DNAH6: variants seen among roughly 807,000 people sequenced by gnomAD.
The protein encoded by DNAH6 is dynein axonemal heavy chain 6, also known as axonemal beta dynein heavy chain 6.
In DNAH6, 340 loss-of-function variants were observed where a neutral mutation model predicts 491.4. The observed-to-expected ratio is 0.69, with a 90% CI of 0.63 to 0.76. The LOEUF (loss-of-function observed/expected upper bound fraction) is 0.76, where lower values mean the gene tolerates loss of function less well. Ranked by LOEUF, DNAH6 falls within the 30% of genes least tolerant of loss-of-function variation. The probability of loss-of-function intolerance (pLI) is 0.00; values close to 1 mark genes in which losing one functional copy is unlikely to be tolerated. For synonymous variants in DNAH6, 1,603 were observed against 1,686.1 expected (o/e 0.95, Z 1.21); for missense variants, 4,443 against 4,972.2 (o/e 0.89, Z 3.20).
rs1679104391 is a variant in DNAH6, at chr2:84,803,352, G to A, written c.11482-2313G>A. On this transcript the variant is annotated intron_variant, in intron 70 of 76. Coordinates refer to ENST00000389394, the MANE Select transcript of DNAH6 (RefSeq NM_001370.2). ...TGAAAAACAACCTGTTAGATACTAT[G>A]TTCACTATTTGGGTGATGAAGTTCA... Among the ~76,000 whole-genome samples, 3 of 152,146 alleles carry A rather than the reference G, an allele frequency of 2.0e-5. No homozygotes were observed. In the South Asian group the frequency reaches 6.2e-4, roughly 32 times the overall value.
rs537789080 is a variant in DNAH6 at position 84,762,811 on chromosome 2, G to A, written c.10569G>A (p.Glu3523=). ...VIENLGKQFI[E]TPPVDLPTLY... ...AAAATCTTGGAAAACAGTTTATAGAGACACCACCTGTGGACCTGCCTACCC... is the reference window on the plus strand; with the variant it reads ...AAAATCTTGGAAAACAGTTTATAGAAACACCACCTGTGGACCTGCCTACCC... Residue 3523 remains glutamate, a synonymous_variant, in exon 64 of 77, where the codon GAG becomes GAA. Transcript: ENST00000389394. 2.1e-5 allele frequency: 32 copies of A among 1,551,170 alleles called. No individual in the cohort carries two copies. In the South Asian group the frequency reaches 2.9e-4, roughly 14 times the overall value.
chr2:84,707,593 G>T lies in DNAH6; in HGVS notation c.8925G>T (p.Gln2975His), dbSNP rs1205614863. 6 of 1,552,008 alleles carry T rather than the reference G, an allele frequency of 3.9e-6. No homozygotes were observed. In the Admixed American group the frequency reaches 1.2e-4, roughly 30 times the overall value. Residue 2975 changes from glutamine to histidine, a missense_variant, in exon 54 of 77, where the codon CAG becomes CAT. Gln to His is a conservative substitution (Grantham distance 24). Coordinates refer to ENST00000389394, the MANE Select transcript of DNAH6 (RefSeq NM_001370.2). ...GKLTAALEDE[Q>H]VRWEESIQKF... ...TGACAGCAGCATTAGAAGATGAGCA[G>T]GTTCGATGGGAAGAAAGCATACAGA...
At chr2:84,632,940 C>G (rs1251897538) in intron 29 of DNAH6, among the ~76,000 whole-genome samples, 1 of 152,168 alleles carries the variant, frequency 6.6e-6, no homozygotes, top group Non-Finnish European at 1.5e-5. Flanking sequence ...TTTCTTGAAT[C>G]TTCACCTATT....
chr2:84,746,029 T>C (rs1375465586), intron 63 of DNAH6, among the ~76,000 whole-genome samples: 1 of 152,196 alleles, frequency 6.6e-6, no homozygotes, highest in Non-Finnish European at 1.5e-5. Flanking sequence ...CCCCAGTTTC[T>C]GTTTGCATGC....
chr2:84,544,276 A>C lies in DNAH6; in HGVS notation c.706A>C (p.Ile236Leu). Residue 236 changes from isoleucine to leucine, a missense_variant, in exon 5 of 77, where the codon ATT becomes CTT. Physicochemically the swap from Ile to Leu is conservative, Grantham distance 5. Transcript: ENST00000389394. ...CATCAATAAAAATGACTACTATACT[A>C]TTAGCCAAAGGGCAGTAACACACAT... ...ENINKNDYYTISQRAVTHIYN... is the reference protein window; with the variant it reads ...ENINKNDYYTLSQRAVTHIYN... 2 of 1,515,416 alleles carry C rather than the reference A, an allele frequency of 1.3e-6. No homozygotes were observed. Among genetic ancestry groups the C allele is most frequent in the Non-Finnish European group, 1.8e-6 (2 of 1,114,548 alleles). 93.9% of individuals were successfully genotyped at this position (1,515,416 alleles called of 1,614,324 possible). A position where few individuals can be genotyped will look rare whatever the true frequency, so the allele number is the denominator to read the frequency against.
rs997950778 is a variant in DNAH6 at position 84,718,370 on chromosome 2, C to T, written c.9778C>T (p.Leu3260Phe). The change falls in exon 59 of 77, where the codon CTC (leucine) becomes TTC (phenylalanine). Residue 3260 changes from leucine (L) to phenylalanine (F), a missense_variant. This residue lies in a region of DNAH6 where 1,463 missense variants were observed against 1,656.6 expected (regional missense o/e 0.88). Coordinates refer to ENST00000389394, the MANE Select transcript of DNAH6 (RefSeq NM_001370.2). ...ILDNEELIDT[L>F]QDSKITSGAI... ...GGACAATGAAGAACTTATTGACACACTCCAGGATTCAAAGGCAAGTAAAAT... is the reference window on the plus strand; with the variant it reads ...GGACAATGAAGAACTTATTGACACATTCCAGGATTCAAAGGCAAGTAAAAT... 1.3e-6 allele frequency: 2 copies of T among 1,529,158 alleles called. No homozygotes were observed. Among genetic ancestry groups the T allele is most frequent in the African/African-American group, 2.8e-5 (2 of 71,694 alleles). 94.7% of individuals were successfully genotyped at this position (1,529,158 alleles called of 1,614,324 possible).
rs947662891 is a variant in DNAH6, at chr2:84,677,128, A to G, written c.6736A>G (p.Ile2246Val). The G allele has an allele frequency of 4.4e-5, 68 of 1,551,622 alleles. No individual in the cohort carries two copies. In the Middle Eastern group the frequency reaches 8.3e-4, roughly 19 times the overall value. ...GCCCTCAGAGCACAGTCTGAAACAG[A>G]TTTTTCAGGTGAGTGTCGATTTTAA... is the stretch of plus-strand genomic sequence containing the variant. ...PMPSEHSLKQ[I>V]FQAILNGFLS... Residue 2246 changes from isoleucine to valine, a missense_variant, in exon 41 of 77, where the codon ATT (isoleucine) becomes GTT (valine). Coordinates refer to ENST00000389394, the MANE Select transcript of DNAH6 (RefSeq NM_001370.2).
At position 84,557,833 on chromosome 2, in the gene DNAH6, T is replaced by C. The variant is rs776221248; in HGVS notation, c.1701T>C (p.Tyr567=). The C allele has an allele frequency of 3.3e-5, 53 of 1,613,226 alleles. No individual in the cohort carries two copies. The highest frequency in any genetic ancestry group is 1.2e-4 in the African/African-American group (9 of 74,882). ...DSYFDAFTSP[Y]INNKLEGKTC... ...ATTTTGATGCTTTCACCAGCCCTTATATTAACAACAAACTTGAAGGAAAAA... is the reference window on the plus strand; with the variant it reads ...ATTTTGATGCTTTCACCAGCCCTTACATTAACAACAAACTTGAAGGAAAAA... The change falls in exon 11 of 77, where the codon TAT becomes TAC. Residue 567 remains tyrosine (Y), a synonymous_variant. Coordinates refer to ENST00000389394, the MANE Select transcript of DNAH6 (RefSeq NM_001370.2).
chr2:84,704,818 C>T (rs1259263719), intron 51 of DNAH6, among the ~76,000 whole-genome samples: 1 of 152,182 alleles, frequency 6.6e-6, no homozygotes, highest in African/African-American at 2.4e-5. Context: ...TTTAGTGATA[C>T]AAACTTTTTT....
At chr2:84,786,931 A>G (rs920064071) in intron 67 of DNAH6, among the ~76,000 whole-genome samples, 1 of 152,088 alleles carries the variant, frequency 6.6e-6, no homozygotes, top group Non-Finnish European at 1.5e-5. Flanking sequence ...GGTCTTTCAA[A>G]TTTCTGGTAA....
At chr2:84,466,890 T>C in the DNAH6 span, among the ~76,000 whole-genome samples, 2 of 152,208 alleles carry the variant, frequency 1.3e-5, no homozygotes, top group Admixed American at 1.3e-4. Flanking sequence ...AAACAACAAT[T>C]ATAATCATTA....
At chr2:84,684,470 T>C (rs1488630959) in intron 42 of DNAH6, among the ~76,000 whole-genome samples, 1 of 152,258 alleles carries the variant, frequency 6.6e-6, no homozygotes, top group East Asian at 1.9e-4. Flanking sequence ...GAAATTTCCT[T>C]ATTTCTACAA....
intron 64 of DNAH6, among the ~76,000 whole-genome samples, chr2:84,780,571 T>C (rs1216395745): frequency 6.6e-6 from 1 of 152,220 alleles, no homozygotes; most frequent in Admixed American, 6.5e-5. Context: ...ATTTCAACTT[T>C]CTGTTAGATC....
chr2:84,496,541 G>A, the DNAH6 span, among the ~76,000 whole-genome samples: 1,109 of 152,180 alleles, frequency 7.3e-3, 10 homozygotes, highest in Middle Eastern at 0.01. Context: ...AGATATTCAT[G>A]TGAATCACCT....
At chr2:84,752,102 T>A (rs1327991433) in intron 63 of DNAH6, among the ~76,000 whole-genome samples, 1 of 152,210 alleles carries the variant, frequency 6.6e-6, no homozygotes, top group Non-Finnish European at 1.5e-5. Flanking sequence ...GAAGGCAGTT[T>A]CTGTGACAGC....
intron 19 of DNAH6, among the ~76,000 whole-genome samples, 158 bp downstream of exon 19, chr2:84,604,709 T>A (rs1685583621): frequency 6.6e-6 from 1 of 152,188 alleles, no homozygotes; most frequent in Admixed American, 6.5e-5. Flanking sequence ...ATATTACTGT[T>A]ATCACCTCTA....
the DNAH6 span, among the ~76,000 whole-genome samples, chr2:84,470,986 A>G: frequency 6.6e-6 from 1 of 152,162 alleles, no homozygotes; most frequent in African/African-American, 2.4e-5. Context: ...CATGATCTAC[A>G]GCTGTGACAG....
intron 75 of DNAH6, 83 bp from the exon 76 acceptor site, chr2:84,815,778 G>A (rs1403832197): frequency 1.1e-6 from 1 of 926,954 alleles, no homozygotes; most frequent in Non-Finnish European, 1.6e-6. Context: ...ATTACCTGGT[G>A]AGGATGTGGG....
chr2:84,504,654 C>G, the DNAH6 span, among the ~76,000 whole-genome samples: 1 of 152,120 alleles, frequency 6.6e-6, no homozygotes, highest in African/African-American at 2.4e-5. Context: ...TTTTTGCAGA[C>G]TCATAGAGGT....
Sources: gnomAD v4.1 joint callset for allele counts (sites outside exome capture counted in the v4.1 genomes callset) on GRCh38, gnomAD v4.1.1 for gene constraint, gnomAD v4.1.1 regional missense constraint, MANE v1.5 for transcripts, NCBI Gene and HGNC (gene_info 2026-07-23, HGNC 2026-07-21) for gene names.